The following SEC31B variants were observed in gnomAD, a reference collection of about 807,000 sequenced individuals.
SEC31B encodes SEC31 homolog B, COPII component, also known as protein transport protein Sec31B.
A neutral mutation model predicts 135.0 loss-of-function variants in SEC31B; 113 were observed. That is an observed-to-expected ratio of 0.84 (90% CI 0.72 to 0.98). The LOEUF (loss-of-function observed/expected upper bound fraction) is 0.98, where lower values mean the gene tolerates loss of function less well. Among genes scored for constraint, SEC31B ranks in the 50% least tolerant of loss-of-function variants. The probability of loss-of-function intolerance (pLI) is 0.00; values close to 1 mark genes in which losing one functional copy is unlikely to be tolerated. For synonymous variants in SEC31B, 508 were observed against 549.4 expected (o/e 0.92, Z 1.05); for missense variants, 1,296 against 1,421.1 (o/e 0.91, Z 1.42).
intron 11 of SEC31B, among the ~76,000 whole-genome samples, chr10:100,501,312 C>T (rs965553341): frequency 6.6e-6 from 1 of 152,150 alleles, no homozygotes; most frequent in Non-Finnish European, 1.5e-5. Flanking sequence ...ATAGGTACCA[C>T]TGTCTCCTTT....
At chr10:100,488,525 A>G (rs1851233799) in intron 24 of SEC31B, among the ~76,000 whole-genome samples, 1 of 151,646 alleles carries the variant, frequency 6.6e-6, no homozygotes, top group African/African-American at 2.4e-5. Context: ...CAGAGGAGGG[A>G]ATGAAGGCCC....
intron 22 of SEC31B, 54 bp from the exon 23 acceptor site, chr10:100,489,452 G>A: frequency 6.3e-7 from 1 of 1,592,808 alleles, no homozygotes; most frequent in Non-Finnish European, 8.5e-7. Context: ...CCATGGCTCT[G>A]GTTTTGGGGA....
At position 100,490,072 on chromosome 10, in the gene SEC31B, T is replaced by C; in HGVS notation, c.2901A>G (p.Pro967=). ...PPASFPVPYL[P]GDPGAPCSSV... is the part of the protein sequence containing the mutation. ...TAGAGCATGGGGCACCTGGGTCCCC[T>C]GGAAGGTATGGCACAGGGAAGCTTG... The change falls in exon 21 of 26, where the codon CCA becomes CCG. Residue 967 remains proline, a synonymous_variant. Transcript: ENST00000370345. 3 of 1,569,404 alleles carry C rather than the reference T, an allele frequency of 1.9e-6. No individual in the cohort carries two copies. The highest frequency in any genetic ancestry group is 1.4e-5 in the African/African-American group (1 of 73,476).
intron 20 of SEC31B, 144 bp from the exon 21 acceptor site, chr10:100,490,466 T>C (rs1369501226): frequency 1.0e-6 from 1 of 1,004,402 alleles, no homozygotes; most frequent in African/African-American, 1.7e-5. Context: ...TACAAAATAC[T>C]TTTAACTATA....
At chr10:100,516,545 A>G (rs1271289842) in intron 2 of SEC31B, among the ~76,000 whole-genome samples, 1 of 148,228 alleles carries the variant, frequency 6.7e-6, no homozygotes, top group Non-Finnish European at 1.5e-5. Context: ...GCTACTCAGG[A>G]GGCTGAGGCA....
intron 11 of SEC31B, among the ~76,000 whole-genome samples, chr10:100,500,666 G>A (rs1290694753): frequency 6.6e-6 from 1 of 152,106 alleles, no homozygotes; most frequent in Non-Finnish European, 1.5e-5. Flanking sequence ...AGTTGCACAG[G>A]TACAGTAAAC....
intron 3 of SEC31B, among the ~76,000 whole-genome samples, chr10:100,512,881 C>G (rs1292797432): frequency 6.6e-6 from 1 of 152,098 alleles, no homozygotes; most frequent in Non-Finnish European, 1.5e-5. Context: ...GTGAGGGAAC[C>G]TAAGATAACT....
chr10:100,501,105 C>T (rs539079199), intron 11 of SEC31B, among the ~76,000 whole-genome samples: 3 of 151,606 alleles, frequency 2.0e-5, no homozygotes, highest in Admixed American at 6.6e-5. Context: ...AAAATACAGG[C>T]GTGGTGGCAG....
chr10:100,492,414 G>A (rs1458359460), intron 19 of SEC31B, among the ~76,000 whole-genome samples: 1 of 152,020 alleles, frequency 6.6e-6, no homozygotes, highest in African/African-American at 2.4e-5. Context: ...GTAGAGATGG[G>A]GTCTCACCAT....
chr10:100,499,550 A>C lies in SEC31B; in HGVS notation c.1459T>G (p.Tyr487Asp), dbSNP rs774901698. 1 of 1,612,226 alleles carries C rather than the reference A, an allele frequency of 6.2e-7. No homozygotes were observed. The highest frequency in any genetic ancestry group is 8.5e-7 in the Non-Finnish European group (1 of 1,179,248). Residue 487 changes from tyrosine to aspartate, a missense_variant, in exon 12 of 26, where the codon TAC becomes GAC. Transcript: ENST00000370345. The stretch of plus-strand genomic sequence containing the variant: ...TTCTTCTGAAGCTCATCTTTACTGT[A>C]TCCTAAAAGCTTTAGGAATTTCATT... ...SRMKFLKLLG[Y>D]SKDELQKKVA...
intron 11 of SEC31B, chr10:100,500,191 C>T (rs1375517476): frequency 4.4e-6 from 2 of 456,718 alleles, no homozygotes; most frequent in Admixed American, 2.3e-5. Context: ...TACTGCATGA[C>T]TGCTGAAAGG....
At chr10:100,493,292 G>C (rs1456147528) in intron 19 of SEC31B, among the ~76,000 whole-genome samples, 1 of 151,604 alleles carries the variant, frequency 6.6e-6, no homozygotes, top group Non-Finnish European at 1.5e-5. Flanking sequence ...AGAATGGCGT[G>C]AACCTGGGAG....
intron 18 of SEC31B, 40 bp downstream of exon 18, chr10:100,496,218 T>G: frequency 6.2e-7 from 1 of 1,602,984 alleles, no homozygotes; most frequent in Non-Finnish European, 8.5e-7. Context: ...GTTAGATGAC[T>G]GAATGAAATG....
At chr10:100,489,534 T>C (rs1851258624) in intron 22 of SEC31B, 136 bp from the exon 23 acceptor site, 4 of 1,339,694 alleles carry the variant, frequency 3.0e-6, no homozygotes, top group Non-Finnish European at 4.2e-6. Context: ...GAGACTGGTG[T>C]ATGTGTGTAA....
chr10:100,502,345 G>C lies in SEC31B; in HGVS notation c.1319C>G (p.Ala440Gly). ...FLMRSAELQE[A>G]LGSGNLLNYC... ...ATTCAGTAGATTTCCTGATCCCAAG[G>C]CCTCCTGCAGCTCAGCTGATCGCAT... is the stretch of plus-strand genomic sequence containing the variant. The change falls in exon 11 of 26, where the codon GCC (alanine) becomes GGC (glycine). Residue 440 changes from alanine (A) to glycine (G), a missense_variant. Ala to Gly is a moderately conservative substitution (Grantham distance 60). Coordinates refer to ENST00000370345, the MANE Select transcript of SEC31B (RefSeq NM_015490.4). 1 of 1,614,124 alleles carries C rather than the reference G, an allele frequency of 6.2e-7. No homozygotes were observed. The highest frequency in any genetic ancestry group is 1.1e-5 in the South Asian group (1 of 91,084).
Position 100,495,429 on chromosome 10 carries a change from T to G in SEC31B, c.2428A>C (p.Lys810Gln). ...CCCAATCTGTAAGATGATGTCTCTT[T>G]AGAGTGGAGGGTAGCTCCCACAACA... Reference protein sequence around the residue: ...RIVVGATLHSKETSSYRLGSQ... With the variant: ...RIVVGATLHSQETSSYRLGSQ... Residue 810 changes from lysine to glutamine, a missense_variant, in exon 19 of 26, where the codon AAA becomes CAA. Physicochemically the swap from Lys to Gln is moderately conservative, Grantham distance 53. Coordinates refer to ENST00000370345, the MANE Select transcript of SEC31B (RefSeq NM_015490.4). 1 of 1,613,938 alleles carries G rather than the reference T, an allele frequency of 6.2e-7. No homozygotes were observed. The highest frequency in any genetic ancestry group is 8.5e-7 in the Non-Finnish European group (1 of 1,179,972).
At chr10:100,519,343 G>A (rs1242687461) in intron 1 of SEC31B, among the ~76,000 whole-genome samples, 1 of 152,258 alleles carries the variant, frequency 6.6e-6, no homozygotes, top group African/African-American at 2.4e-5. Context: ...TGCCGTGCAG[G>A]AGGGCACCAG....
intron 1 of SEC31B, among the ~76,000 whole-genome samples, chr10:100,517,512 C>A (rs1443193898): frequency 6.6e-6 from 1 of 152,186 alleles, no homozygotes; most frequent in African/African-American, 2.4e-5. Flanking sequence ...CAGGCATGTG[C>A]CACCATGCCT....
In SEC31B at chr10:100,487,369, T is replaced by A; in HGVS notation, c.*247A>T. On this transcript the variant is annotated 3_prime_UTR_variant, in exon 26 of 26. Transcript: ENST00000370345. ...TTACAGAGTGTAGTATTAGGGAGAG[T>A]GAAGAACTGATTCTATGCCCTGCCT... 1.9e-6 allele frequency: 1 copy of A among 520,492 alleles called. No individual in the cohort carries two copies. The highest frequency in any genetic ancestry group is 3.5e-6 in the Non-Finnish European group (1 of 289,166). 32.2% of individuals were successfully genotyped at this position (520,492 alleles called of 1,614,324 possible).
Sources: allele counts gnomAD v4.1 joint callset (sites outside exome capture counted in the v4.1 genomes callset), GRCh38; gene constraint gnomAD v4.1.1; transcripts MANE v1.5; gene names NCBI Gene and HGNC (gene_info 2026-07-23, HGNC 2026-07-21).